ADAMTS6: variants seen among roughly 807,000 people sequenced by gnomAD.
The protein encoded by ADAMTS6 is A disintegrin and metalloproteinase with thrombospondin motifs 6.
Under a neutral mutation model 144.3 loss-of-function variants are expected in ADAMTS6, and 23 were observed. The ratio of observed to expected loss-of-function variants is 0.16; its 90% CI spans 0.11 to 0.23. ADAMTS6 has a LOEUF of 0.23. Among genes scored for constraint, ADAMTS6 ranks in the 10% least tolerant of loss-of-function variants. ADAMTS6 has a pLI of 1.00. For synonymous variants in ADAMTS6, 444 were observed against 457.5 expected, an observed-to-expected ratio of 0.97 and a Z score of 0.38; for missense variants, 999 against 1,379.6, an observed-to-expected ratio of 0.72 and a Z score of 4.37.
At chr5:65,342,336 C>A (rs572441544) in intron 7 of ADAMTS6, among the ~76,000 whole-genome samples, 1 of 152,156 alleles carries the variant, frequency 6.6e-6, no homozygotes, top group South Asian at 2.1e-4. Context: ...TGGTGGCAGA[C>A]AAGAGAAGAA....
intron 12 of ADAMTS6, among the ~76,000 whole-genome samples, chr5:65,267,291 A>G (rs1021646946): frequency 5.9e-5 from 9 of 152,108 alleles, no homozygotes; most frequent in African/African-American, 9.6e-5. Context: ...ACTATTCTAA[A>G]TAACAGTCAT....
intron 10 of ADAMTS6, 57 bp downstream of exon 10, chr5:65,299,928 T>A (rs1743196795): frequency 1.3e-5 from 21 of 1,564,408 alleles, no homozygotes; most frequent in Non-Finnish European, 1.8e-5. Context: ...CATGTTAGGC[T>A]TCTACCAGTG....
Position 65,151,128 on chromosome 5 carries a change from A to G in ADAMTS6, c.*708T>C, listed in dbSNP as rs1752120902. 6.5e-6 allele frequency: 1 copy of G among 152,678 alleles called. No individual in the cohort carries two copies. The highest frequency in any genetic ancestry group is 1.5e-5 in the Non-Finnish European group (1 of 68,036). 9.5% of individuals were successfully genotyped at this position (152,678 alleles called of 1,614,324 possible). ...CAGCACTGAGTTTATAGACTTGCAC[A>G]GCTGCAGTAACTGATGCACTGCTTT... On this transcript the variant is annotated 3_prime_UTR_variant, in exon 25 of 25. Coordinates refer to ENST00000381055, the MANE Select transcript of ADAMTS6 (RefSeq NM_197941.4).
intron 12 of ADAMTS6, among the ~76,000 whole-genome samples, chr5:65,272,724 AG>A: frequency 6.6e-6 from 1 of 152,044 alleles, no homozygotes. Context: ...GTTCGAGACC[AG>A]CCCGGGCAAC....
intron 22 of ADAMTS6, among the ~76,000 whole-genome samples, chr5:65,178,326 C>A (rs147069896): frequency 6.6e-6 from 1 of 152,138 alleles, no homozygotes; most frequent in African/African-American, 2.4e-5. Flanking sequence ...TGGAGTCCCA[C>A]GGGGAATACC....
chr5:65,190,901 C>A (rs1397346683), intron 21 of ADAMTS6, among the ~76,000 whole-genome samples: 1 of 152,042 alleles, frequency 6.6e-6, no homozygotes, highest in Non-Finnish European at 1.5e-5. Context: ...TTTTGCAATT[C>A]TACCACTGCA....
chr5:65,263,095 C>A, intron 12 of ADAMTS6, 133 bp from the exon 13 acceptor site: 3 of 1,113,506 alleles, frequency 2.7e-6, no homozygotes, highest in African/African-American at 1.6e-5. Flanking sequence ...ACAGATAGTT[C>A]TCTAACTGTG....
intron 7 of ADAMTS6, among the ~76,000 whole-genome samples, chr5:65,439,149 G>T (rs928416258): frequency 6.7e-6 from 1 of 149,784 alleles, no homozygotes; most frequent in African/African-American, 2.5e-5. Context: ...TATTTTTTTA[G>T]AAGTGTGAGT....
intron 10 of ADAMTS6, chr5:65,297,121 G>A: frequency 6.9e-6 from 3 of 434,704 alleles, no homozygotes; most frequent in South Asian, 1.7e-5. Flanking sequence ...CAAAGCCGTC[G>A]CCGGAAAACA....
intron 7 of ADAMTS6, among the ~76,000 whole-genome samples, chr5:65,395,739 G>A (rs2150154581): frequency 6.6e-6 from 1 of 152,214 alleles, no homozygotes; most frequent in African/African-American, 2.4e-5. Flanking sequence ...AGCTTCTGTA[G>A]TTCTACTGTA....
rs2150201636 is a variant in ADAMTS6, at chr5:65,422,575, T to G, written c.1073+28900A>C. Among the ~76,000 whole-genome samples, 3 of 152,144 alleles carry G rather than the reference T, an allele frequency of 2.0e-5. No individual in the cohort carries two copies. In the South Asian group the frequency reaches 6.2e-4, roughly 32 times the overall value. ...AGGCGGAGGTTGCAGTGAGCCAATA[T>G]CATGCCACTGCACTCCAGCCTGGTG... On this transcript the variant is annotated intron_variant, in intron 7 of 24. Coordinates refer to ENST00000381055, the MANE Select transcript of ADAMTS6 (RefSeq NM_197941.4).
rs553546684 is a variant in ADAMTS6 at position 65,214,749 on chromosome 5, T to C, written c.2575+45A>G. The C allele has an allele frequency of 6.4e-5, 104 of 1,613,500 alleles. No individual in the cohort carries two copies. The South Asian group carries it at 8.6e-4, about 13-fold the overall frequency. ...AAAGCATAGCTCAGAATGTGTTTTG[T>C]TCTCCATCTTGCCCTCTGGGTGGGC... is the stretch of plus-strand genomic sequence containing the variant. On this transcript the variant is annotated intron_variant, in intron 20 of 24. Coordinates refer to ENST00000381055, the MANE Select transcript of ADAMTS6 (RefSeq NM_197941.4). The surrounding 1 kb of genome is among the most constrained non-coding windows in gnomAD (Gnocchi z 4.6).
At chr5:65,248,580 C>T (rs910268656) in intron 14 of ADAMTS6, among the ~76,000 whole-genome samples, 3 of 151,998 alleles carry the variant, frequency 2.0e-5, no homozygotes, top group Non-Finnish European at 2.9e-5. Flanking sequence ...CAGGGTGGAT[C>T]GCTCGAGTTC....
intron 9 of ADAMTS6, among the ~76,000 whole-genome samples, chr5:65,312,974 A>G (rs1279709423): frequency 6.6e-6 from 1 of 152,026 alleles, no homozygotes; most frequent in Non-Finnish European, 1.5e-5. Flanking sequence ...GAATTAGTTA[A>G]TGATAGCTAA....
intron 4 of ADAMTS6, among the ~76,000 whole-genome samples, chr5:65,458,330 T>G (rs1317023429): frequency 2.0e-5 from 3 of 152,120 alleles, no homozygotes; most frequent in Non-Finnish European, 4.4e-5. Context: ...ACTTAACACT[T>G]AGGAAGAAAA....
intron 1 of ADAMTS6, among the ~76,000 whole-genome samples, chr5:65,479,564 C>T (rs953069974): frequency 3.3e-5 from 5 of 152,136 alleles, no homozygotes; most frequent in African/African-American, 1.2e-4. Flanking sequence ...CACCTCTTCC[C>T]CTCTTTTTCT....
chr5:65,158,737 A>G (rs116655407), intron 24 of ADAMTS6, among the ~76,000 whole-genome samples: 248 of 152,296 alleles, frequency 1.6e-3, no homozygotes, highest in African/African-American at 5.7e-3. Context: ...TCATGCCTAT[A>G]ATGTTTTAAC....
chr5:65,255,259 T>TC (rs1171610629), intron 14 of ADAMTS6, among the ~76,000 whole-genome samples: 1 of 151,806 alleles, frequency 6.6e-6, no homozygotes, highest in Non-Finnish European at 1.5e-5. Flanking sequence ...CTTGAAGAAA[T>TC]TTTTTTTTAA....
chr5:65,287,377 C>T (rs938272696), intron 11 of ADAMTS6, among the ~76,000 whole-genome samples: 2 of 152,092 alleles, frequency 1.3e-5, no homozygotes, highest in African/African-American at 4.8e-5. Flanking sequence ...ACATCTGCTA[C>T]CTGTGTTTCA....
Sources: gnomAD v4.1 joint callset for allele counts (sites outside exome capture counted in the v4.1 genomes callset) on GRCh38, gnomAD v4.1.1 for gene constraint, Gnocchi (gnomAD v3.1) non-coding constraint, MANE v1.5 for transcripts, NCBI Gene and HGNC (gene_info 2026-07-23, HGNC 2026-07-21) for gene names.